Variants in PASK observed in about 807,000 individuals in gnomAD.
PASK encodes PAS domain-containing serine/threonine-protein kinase.
A neutral mutation model predicts 121.0 loss-of-function variants in PASK; 110 were observed. The observed-to-expected ratio is 0.91, with a 90% CI of 0.78 to 1.06. PASK has a LOEUF of 1.06. Ranked by LOEUF, PASK falls within the 50% of genes least tolerant of loss-of-function variation. The pLI is 0.00. For missense variants in PASK, 1,643 were observed against 1,702.3 expected (o/e 0.97, Z 0.61); for synonymous variants, 686 against 717.8 (o/e 0.96, Z 0.71).
At position 241,124,022 on chromosome 2, in the gene PASK, C is replaced by A; in HGVS notation, c.2831G>T (p.Arg944Leu). Residue 944 changes from arginine to leucine, a missense_variant, in exon 11 of 18, where the codon CGC (arginine) becomes CTC (leucine). By Grantham distance (102) the Arg-to-Leu change is moderately radical (BLOSUM62 -2). This residue lies in a region of PASK where 453 missense variants were observed against 511.2 expected (regional missense o/e 0.89). Coordinates refer to ENST00000234040, the MANE Select transcript of PASK (RefSeq NM_015148.4). The stretch of plus-strand genomic sequence containing the variant: ...GCCGGGCAGGCTGGCAAGGAACAGG[C>A]GGGTCCTGGCGGCTGAGTCGCGTTG... ...HSQRDSAART[R>L]LFLASLPGST... The A allele has an allele frequency of 6.2e-7, 1 of 1,613,766 alleles. No homozygotes were observed. Among genetic ancestry groups the A allele is most frequent in the East Asian group, 2.2e-5 (1 of 44,868 alleles).
intron 1 of PASK, 51 bp downstream of exon 1, chr2:241,149,363 C>T (rs1163352672): frequency 8.1e-6 from 3 of 370,880 alleles, no homozygotes; most frequent in Non-Finnish European, 1.5e-5. Context: ...CCACAGCCGC[C>T]CTGGGGAGAT....
chr2:241,136,879 C>A, intron 7 of PASK, 125 bp downstream of exon 7: 1 of 883,120 alleles, frequency 1.1e-6, no homozygotes, highest in Non-Finnish European at 1.8e-6. Flanking sequence ...CAAGGTCCTT[C>A]CTGGGTAAAG....
intron 15 of PASK, chr2:241,109,714 A>T (rs1261079056): frequency 6.6e-6 from 1 of 152,356 alleles, no homozygotes; most frequent in Admixed American, 6.5e-5. Flanking sequence ...AGAGCAAGAA[A>T]ATCAGTTTCA....
intron 8 of PASK, chr2:241,133,857 C>G (rs1192639320): frequency 6.6e-6 from 1 of 152,316 alleles, no homozygotes; most frequent in Non-Finnish European, 1.5e-5. Flanking sequence ...TGCTACATCC[C>G]TGTAATCCCA....
intron 14 of PASK, chr2:241,113,343 T>C (rs2065183030): frequency 7.4e-6 from 1 of 134,420 alleles, no homozygotes; most frequent in African/African-American, 2.5e-5. Flanking sequence ...AATATACGCA[T>C]ATTTATACAC....
intron 9 of PASK, among the ~76,000 whole-genome samples, chr2:241,131,962 G>C (rs2066156722): frequency 6.7e-6 from 1 of 149,502 alleles, no homozygotes; most frequent in African/African-American, 2.5e-5. Context: ...GCTGAGGCAG[G>C]AGAATCACTT....
rs1429105324 is a variant in PASK, at chr2:241,115,306, C to T, written c.3180G>A (p.Glu1060=). The change falls in exon 13 of 18, where the codon GAG becomes GAA. Residue 1060 remains glutamate (E), a synonymous_variant. Coordinates refer to ENST00000234040, the MANE Select transcript of PASK (RefSeq NM_015148.4). ...CCATCACCTTGATGATATTGGCGTG[C>T]TCCACCCTGGATAGAATTGCGATCT... ...TLEIAILSRV[E]HANIIKVLDI... is the part of the protein sequence containing the mutation. 3.1e-6 allele frequency: 5 copies of T among 1,613,888 alleles called. No homozygotes were observed. The highest frequency in any genetic ancestry group is 2.2e-5 in the South Asian group (2 of 91,096).
chr2:241,124,859 GACCTATT>G (rs2065784337), intron 10 of PASK, among the ~76,000 whole-genome samples: 1 of 152,344 alleles, frequency 6.6e-6, no homozygotes, highest in East Asian at 1.9e-4. Flanking sequence ...AAATAATGTG[GACCTATT>G]AAGAAATGAG....
intron 1 of PASK, among the ~76,000 whole-genome samples, chr2:241,148,789 G>A (rs2067105763): frequency 6.6e-6 from 1 of 152,184 alleles, no homozygotes; most frequent in Non-Finnish European, 1.5e-5. Flanking sequence ...GCAGAAAGAT[G>A]AAGAGAGGGA....
chr2:241,123,301 G>A (rs1046475278), intron 11 of PASK, among the ~76,000 whole-genome samples: 3 of 150,900 alleles, frequency 2.0e-5, no homozygotes, highest in Non-Finnish European at 2.9e-5. Flanking sequence ...TCAGCCTCCC[G>A]AGTAGCTGGG....
intron 9 of PASK, among the ~76,000 whole-genome samples, chr2:241,131,036 G>A (rs191581583): frequency 1.5e-3 from 226 of 152,046 alleles, no homozygotes; most frequent in African/African-American, 3.9e-3. Context: ...TGCTGACTGC[G>A]GTCCCCTGGG....
At chr2:241,121,121 G>A (rs2065589289) in intron 12 of PASK, among the ~76,000 whole-genome samples, 1 of 152,240 alleles carries the variant, frequency 6.6e-6, no homozygotes, top group African/African-American at 2.4e-5. Context: ...GTCCAGAATA[G>A]GCAAATCTAT....
At chr2:241,114,358 G>T in intron 14 of PASK, 12 of 985,560 alleles carry the variant, frequency 1.2e-5, no homozygotes, top group Non-Finnish European at 1.4e-5. Context: ...CAATCCAAGA[G>T]CAAATGTGAG....
rs769195485 is a variant in PASK, at chr2:241,137,154, C to T, written c.987G>A (p.Ala329=). 37 of 1,613,388 alleles carry T rather than the reference C, an allele frequency of 2.3e-5. 1 individual carries two copies. The highest frequency in any genetic ancestry group is 2.5e-5 in the Non-Finnish European group (29 of 1,179,672). The change falls in exon 7 of 18, where the codon GCG becomes GCA. Residue 329 remains alanine (A), a synonymous_variant. Transcript: ENST00000234040. ...ATGCCCGGTAGCCGCTCACAGGGGC[C>T]GCCTCACCGGTGGTCGCCTCCTCGC... ...PSSEEATTGE[A]APVSGYRASV... is the part of the protein sequence containing the mutation.
chr2:241,137,080 T>C lies in PASK; in HGVS notation c.1061A>G (p.Asp354Gly), dbSNP rs769142294. 6.8e-6 allele frequency: 11 copies of C among 1,613,470 alleles called. No homozygotes were observed. In the South Asian group the frequency reaches 1.1e-4, roughly 16 times the overall value. Residue 354 changes from aspartate to glycine, a missense_variant, in exon 7 of 18, where the codon GAT (aspartate) becomes GGT (glycine). This residue lies in a region of PASK where 1,176 missense variants were observed against 1,162.2 expected (regional missense o/e 1.01). Coordinates refer to ENST00000234040, the MANE Select transcript of PASK (RefSeq NM_015148.4). ...GTGGTTGATGCCGTGGATGGTCCCATCCGGCAGGAGGGTGATGAGGCCACT... is the reference window on the plus strand; with the variant it reads ...GTGGTTGATGCCGTGGATGGTCCCACCCGGCAGGAGGGTGATGAGGCCACT... ...TISGLITLLP[D>G]GTIHGINHSF...
chr2:241,144,112 CCGTGCGTGTGTGTG>C, intron 1 of PASK, among the ~76,000 whole-genome samples: 1 of 151,602 alleles, frequency 6.6e-6, no homozygotes, highest in Non-Finnish European at 1.5e-5. Context: ...GCGTGTGTGT[CCGTGCGTGTGTGTG>C]CGTGTGCACA....
At chr2:241,119,025 C>G (rs2065489754) in intron 12 of PASK, 1 of 845,284 alleles carries the variant, frequency 1.2e-6, no homozygotes, top group African/African-American at 1.8e-5. Flanking sequence ...CAGCCCGTTC[C>G]CAGCCCTGAG....
chr2:241,136,959 G>A lies in PASK; in HGVS notation c.1137+45C>T, dbSNP rs199501914. The A allele has an allele frequency of 4.5e-5, 72 of 1,589,962 alleles. No homozygotes were observed. The East Asian group carries it at 9.8e-4, about 22-fold the overall frequency. ...CAAGCCCGCACTGCAGAGCACAGCAGCTTCCTCCCAGGGAACGGGAGCCAG... is the reference window on the plus strand; with the variant it reads ...CAAGCCCGCACTGCAGAGCACAGCAACTTCCTCCCAGGGAACGGGAGCCAG... On this transcript the variant is annotated intron_variant, in intron 7 of 17. Transcript: ENST00000234040.
At position 241,108,371 on chromosome 2, in the gene PASK, C is replaced by G; in HGVS notation, c.3534-71G>C. On this transcript the variant is annotated intron_variant, in intron 15 of 17. Coordinates refer to ENST00000234040, the MANE Select transcript of PASK (RefSeq NM_015148.4). This position sits in a 1 kb window ranked among gnomAD's most constrained non-coding sequence, Gnocchi z 5.2. ...GCTTGCCAAGCCCGCCCATGGGAAG[C>G]ACCATGGCCCTTCCCGACCAGCACA... 1 of 1,455,634 alleles carries G rather than the reference C, an allele frequency of 6.9e-7. No individual in the cohort carries two copies. Among genetic ancestry groups the G allele is most frequent in the Non-Finnish European group, 9.3e-7 (1 of 1,071,764 alleles). The allele number at this position is 1,455,634 out of a possible 1,614,324, so 90.2% of individuals were successfully genotyped here.
Sources: allele counts gnomAD v4.1 joint callset (sites outside exome capture counted in the v4.1 genomes callset), GRCh38; gene constraint gnomAD v4.1.1; regional missense constraint gnomAD v4.1.1; non-coding constraint Gnocchi (gnomAD v3.1); transcripts MANE v1.5; gene names NCBI Gene and HGNC (gene_info 2026-07-23, HGNC 2026-07-21).